The following AGMO variants were observed in gnomAD, a reference collection of about 807,000 sequenced individuals.
AGMO encodes the protein alkylglycerol monooxygenase, also known as glyceryl-ether monooxygenase.
Under a neutral mutation model 60.2 loss-of-function variants are expected in AGMO, and 75 were observed. That is an observed-to-expected ratio of 1.25 (90% CI 1.03 to 1.51). The LOEUF is 1.51. Ranked by LOEUF, AGMO falls within the 40% of genes most tolerant of loss-of-function variation. AGMO has a pLI of 0.00. For synonymous variants in AGMO, 261 were observed against 177.1 expected (o/e 1.47, Z -3.76); for missense variants, 763 against 525.5 (o/e 1.45, Z -4.42).
chr7:15,408,794 T>G (rs77088803), intron 5 of AGMO, among the ~76,000 whole-genome samples: 1 of 151,790 alleles, frequency 6.6e-6, no homozygotes, highest in Non-Finnish European at 1.5e-5. Flanking sequence ...GTGGGGACCA[T>G]GGGTTGTGTG....
At chr7:15,412,455 G>A (rs1780640300) in intron 5 of AGMO, among the ~76,000 whole-genome samples, 1 of 151,906 alleles carries the variant, frequency 6.6e-6, no homozygotes, top group African/African-American at 2.4e-5. Flanking sequence ...CCACGGAAAG[G>A]GAGCCATAAT....
intron 12 of AGMO, among the ~76,000 whole-genome samples, chr7:15,285,738 T>C (rs1784081788): frequency 6.6e-6 from 1 of 151,812 alleles, no homozygotes; most frequent in African/African-American, 2.4e-5. Flanking sequence ...ATTCTGTGGA[T>C]TACAAAAATA....
rs771663659 is a variant in AGMO, at chr7:15,365,540, C to G, written c.1237G>C (p.Val413Leu). The G allele has an allele frequency of 3.7e-6, 6 of 1,612,678 alleles. No homozygotes were observed. The highest frequency in any genetic ancestry group is 2.2e-5 in the South Asian group (2 of 90,990). The change falls in exon 12 of 13, where the codon GTC becomes CTC. Residue 413 changes from valine (V) to leucine (L), a missense_variant. By Grantham distance (32) the Val-to-Leu change is conservative. Transcript: ENST00000342526. ...LYRFGHLKPL[V>L]PSLSSAFEIV... ...TCAAAAGCAGATGACAATGAAGGGA[C>G]AAGAGGCTTCAGGTGACCAAATCGG...
intron 3 of AGMO, among the ~76,000 whole-genome samples, chr7:15,510,547 T>TCA (rs901722783): frequency 1.8e-5 from 1 of 54,966 alleles, no homozygotes; most frequent in Non-Finnish European, 4.1e-5. Flanking sequence ...TCTATATATA[T>TCA]CATATATATA....
At chr7:15,289,109 C>T (rs555662546) in intron 12 of AGMO, among the ~76,000 whole-genome samples, 1 of 151,650 alleles carries the variant, frequency 6.6e-6, no homozygotes, top group South Asian at 2.1e-4. Flanking sequence ...TTTCTTTCTT[C>T]TTATTTACAA....
chr7:15,512,487 A>T (rs1005452357), intron 3 of AGMO, among the ~76,000 whole-genome samples: 3 of 152,116 alleles, frequency 2.0e-5, no homozygotes, highest in Admixed American at 2.0e-4. Flanking sequence ...TCCTGAGCTC[A>T]ATCAATCCAC....
the AGMO span, among the ~76,000 whole-genome samples, chr7:15,153,016 G>T: frequency 7.2e-5 from 11 of 151,792 alleles, no homozygotes; most frequent in East Asian, 3.9e-4. Context: ...ATTATTTTTT[G>T]ATTATGGCCA....
chr7:15,320,328 C>A (rs948888116), intron 12 of AGMO, among the ~76,000 whole-genome samples: 1 of 151,012 alleles, frequency 6.6e-6, no homozygotes, highest in Non-Finnish European at 1.5e-5. Context: ...TGAAGAAAGT[C>A]AAAAACAAAT....
chr7:15,339,706 G>A (rs907346854), intron 12 of AGMO, among the ~76,000 whole-genome samples: 12 of 152,072 alleles, frequency 7.9e-5, no homozygotes, highest in African/African-American at 2.7e-4. Context: ...AAAATCTAGG[G>A]ACACCAATAT....
chr7:15,396,326 G>C (rs1456113545), intron 5 of AGMO: 1 of 152,238 alleles, frequency 6.6e-6, no homozygotes, highest in Non-Finnish European at 1.5e-5. Flanking sequence ...GTGTGTTCCT[G>C]GTCTCGCTGG....
At chr7:15,530,643 T>C (rs539967026) in intron 3 of AGMO, among the ~76,000 whole-genome samples, 28 of 138,066 alleles carry the variant, frequency 2.0e-4, no homozygotes, top group African/African-American at 5.2e-4. Flanking sequence ...CGTATTTCTA[T>C]ATATATATTC....
chr7:15,352,313 A>G (rs901213170), intron 12 of AGMO, among the ~76,000 whole-genome samples: 8 of 152,168 alleles, frequency 5.3e-5, no homozygotes, highest in Non-Finnish European at 8.8e-5. Context: ...CGGTAAATAA[A>G]CCCTGGAAAA....
At chr7:15,453,230 A>T (rs561327412) in intron 3 of AGMO, among the ~76,000 whole-genome samples, 1 of 152,216 alleles carries the variant, frequency 6.6e-6, no homozygotes, top group Non-Finnish European at 1.5e-5. Context: ...TATGTTAATT[A>T]TATCTCAATA....
chr7:15,180,729 G>T, the AGMO span, among the ~76,000 whole-genome samples: 1 of 152,156 alleles, frequency 6.6e-6, no homozygotes, highest in African/African-American at 2.4e-5. Context: ...ATTTGCAGGT[G>T]TTTGTAACAG....
intron 12 of AGMO, among the ~76,000 whole-genome samples, chr7:15,331,670 T>C (rs1563091836): frequency 1.3e-5 from 2 of 152,166 alleles, no homozygotes; most frequent in Non-Finnish European, 2.9e-5. Flanking sequence ...CTCACACCTG[T>C]AATCCCAACA....
At chr7:15,337,357 C>T (rs1554417622) in intron 12 of AGMO, among the ~76,000 whole-genome samples, 5 of 151,944 alleles carry the variant, frequency 3.3e-5, no homozygotes, top group Admixed American at 2.6e-4. Context: ...CAATCATGCC[C>T]GAGAAAGAGG....
intron 8 of AGMO, among the ~76,000 whole-genome samples, 188 bp from the exon 9 acceptor site, chr7:15,387,728 A>AGTGC (rs1324399769): frequency 6.6e-6 from 1 of 152,174 alleles, no homozygotes; most frequent in Non-Finnish European, 1.5e-5. Flanking sequence ...TATACCATTA[A>AGTGC]GTGCGTTGTT....
At chr7:15,224,045 A>T (rs1241420392) in intron 12 of AGMO, among the ~76,000 whole-genome samples, 2 of 152,192 alleles carry the variant, frequency 1.3e-5, no homozygotes, top group Admixed American at 6.6e-5. Flanking sequence ...TGTCAGAATT[A>T]TTATATGTGG....
At chr7:15,413,999 T>C (rs1368215757) in intron 5 of AGMO, among the ~76,000 whole-genome samples, 1 of 152,124 alleles carries the variant, frequency 6.6e-6, no homozygotes. Flanking sequence ...TGGGATTTAT[T>C]TATTTGTTTA....
Sources: allele counts gnomAD v4.1 joint callset (sites outside exome capture counted in the v4.1 genomes callset), GRCh38; gene constraint gnomAD v4.1.1; transcripts MANE v1.5; gene names NCBI Gene and HGNC (gene_info 2026-07-23, HGNC 2026-07-21).